Variants in TTC13 observed in about 807,000 individuals in gnomAD.
The protein encoded by TTC13 is tetratricopeptide repeat domain 13.
TTC13 carries 62 observed loss-of-function variants against 120.0 expected under a neutral mutation model. The ratio of observed to expected loss-of-function variants is 0.52; its 90% CI spans 0.42 to 0.64. The LOEUF (loss-of-function observed/expected upper bound fraction) is 0.64, where lower values mean the gene tolerates loss of function less well. TTC13 is among the 30% of genes least tolerant of loss of function. The probability of loss-of-function intolerance (pLI) is 0.00; values close to 1 mark genes in which losing one functional copy is unlikely to be tolerated. For missense variants in TTC13, 824 were observed against 1,050.2 expected (o/e 0.78, Z 2.98); for synonymous variants, 384 against 393.5 (o/e 0.98, Z 0.28).
At chr1:230,947,846 C>CCGCACA (rs1675151075) in intron 4 of TTC13, among the ~76,000 whole-genome samples, 1 of 152,138 alleles carries the variant, frequency 6.6e-6, no homozygotes, top group Non-Finnish European at 1.5e-5. Flanking sequence ...ACTGGCATCC[C>CCGCACA]CGCACACCCG....
At chr1:230,907,614 A>G (rs1303033113) in intron 22 of TTC13, among the ~76,000 whole-genome samples, 1 of 152,260 alleles carries the variant, frequency 6.6e-6, no homozygotes, top group African/African-American at 2.4e-5. Flanking sequence ...AGCCTGAAAC[A>G]ACAATGTACC....
chr1:230,914,649 TCC>T (rs1671844731), intron 18 of TTC13, among the ~76,000 whole-genome samples: 1 of 152,178 alleles, frequency 6.6e-6, no homozygotes, highest in African/African-American at 2.4e-5. Context: ...CGCCTTGGGC[TCC>T]CAAAGTGCTA....
rs905796365 is a variant in TTC13 at position 230,970,053 on chromosome 1, T to C, written c.271+8507A>G. ...ACACATGGGGAAATAAACTCAATGTTAATGAACATGTTTAAGGTCACAAAA... is the reference window on the plus strand; with the variant it reads ...ACACATGGGGAAATAAACTCAATGTCAATGAACATGTTTAAGGTCACAAAA... On this transcript the variant is annotated intron_variant, in intron 1 of 22. Transcript: ENST00000366661. Among the ~76,000 whole-genome samples, 3 of 152,230 alleles carry C rather than the reference T, an allele frequency of 2.0e-5. No individual in the cohort carries two copies. The East Asian group carries it at 5.8e-4, about 29-fold the overall frequency.
chr1:230,965,804 C>T (rs1677070874), intron 1 of TTC13, among the ~76,000 whole-genome samples: 3 of 149,590 alleles, frequency 2.0e-5, no homozygotes, highest in Non-Finnish European at 1.5e-5. Flanking sequence ...CACCACCACA[C>T]CTGGCTAATT....
chr1:230,935,656 G>A (rs1673973261), intron 8 of TTC13, among the ~76,000 whole-genome samples: 1 of 152,100 alleles, frequency 6.6e-6, no homozygotes, highest in African/African-American at 2.4e-5. Context: ...AGGGCCTCCT[G>A]GGCCAAGCAG....
At chr1:230,936,269 C>T (rs1674047121) in intron 8 of TTC13, 1 of 455,942 alleles carries the variant, frequency 2.2e-6, no homozygotes, top group Admixed American at 2.4e-5. Context: ...CTCATTCTGC[C>T]AAAGAGGGGA....
chr1:230,954,059 T>A (rs935248863), intron 4 of TTC13, among the ~76,000 whole-genome samples: 2 of 152,190 alleles, frequency 1.3e-5, no homozygotes, highest in African/African-American at 2.4e-5. Flanking sequence ...TCTCTGCAAT[T>A]TGATGGTCGG....
rs774809656 is a variant in TTC13 at position 230,954,327 on chromosome 1, A to G, written c.513+6T>C. ...TCAAAATTACATAAATAAGAAGAAAATTTACCTGAAGCATTGTTGAAAAAT... is the reference window on the plus strand; with the variant it reads ...TCAAAATTACATAAATAAGAAGAAAGTTTACCTGAAGCATTGTTGAAAAAT... On this transcript the variant is annotated splice_donor_region_variant and intron_variant, in intron 4 of 22. Transcript: ENST00000366661. 6.2e-7 allele frequency: 1 copy of G among 1,609,400 alleles called. No individual in the cohort carries two copies. Among genetic ancestry groups the G allele is most frequent in the Non-Finnish European group, 8.5e-7 (1 of 1,176,960 alleles).
chr1:230,925,795 A>G, intron 12 of TTC13, 148 bp from the exon 13 acceptor site: 1 of 813,872 alleles, frequency 1.2e-6, no homozygotes. Context: ...TTTGCACCCA[A>G]CCATACCTCA....
intron 1 of TTC13, among the ~76,000 whole-genome samples, chr1:230,972,184 G>A (rs1677831853): frequency 6.6e-6 from 1 of 152,234 alleles, no homozygotes; most frequent in South Asian, 2.1e-4. Flanking sequence ...CCACTGCATG[G>A]TGCTGGACTC....
chr1:230,966,379 G>A (rs967105428), intron 1 of TTC13, among the ~76,000 whole-genome samples: 15 of 152,152 alleles, frequency 9.9e-5, no homozygotes, highest in African/African-American at 3.1e-4. Flanking sequence ...CATTAAAATT[G>A]TAGATTAATA....
At chr1:230,969,857 T>C (rs1448112419) in intron 1 of TTC13, among the ~76,000 whole-genome samples, 1 of 152,260 alleles carries the variant, frequency 6.6e-6, no homozygotes, top group Non-Finnish European at 1.5e-5. Context: ...AATGTTAGTA[T>C]AGGCTTATAG....
chr1:230,909,109 A>T, intron 20 of TTC13, 89 bp from the exon 21 acceptor site: 1 of 1,097,702 alleles, frequency 9.1e-7, no homozygotes, highest in Non-Finnish European at 1.3e-6. Context: ...ATCATGAAAG[A>T]TAAAATTTAT....
chr1:230,970,149 C>A (rs1237566643), intron 1 of TTC13, among the ~76,000 whole-genome samples: 7 of 152,230 alleles, frequency 4.6e-5, no homozygotes, highest in Admixed American at 1.3e-4. Context: ...ACTCCTTCTG[C>A]CAATGCTGGG....
At chr1:230,923,725 G>A in intron 15 of TTC13, 116 bp downstream of exon 15, 1 of 792,046 alleles carries the variant, frequency 1.3e-6, no homozygotes, top group Non-Finnish European at 2.1e-6. Context: ...CAATCAGTAT[G>A]TTCCCTGGTC....
At chr1:230,916,401 A>G (rs1404692785) in intron 17 of TTC13, 99 bp from the exon 18 acceptor site, 3 of 907,668 alleles carry the variant, frequency 3.3e-6, no homozygotes, top group Non-Finnish European at 5.4e-6. Flanking sequence ...TGTTTTTAAA[A>G]AGGGCCAAGG....
At chr1:230,967,088 G>A (rs569080612) in intron 1 of TTC13, among the ~76,000 whole-genome samples, 45 of 151,962 alleles carry the variant, frequency 3.0e-4, no homozygotes, top group Non-Finnish European at 4.7e-4. Flanking sequence ...CCCTATTAAT[G>A]TCTCCATTTA....
Position 230,940,585 on chromosome 1 carries a change from G to C in TTC13, c.673-29C>G, listed in dbSNP as rs745818501. 8 of 1,418,010 alleles carry C rather than the reference G, an allele frequency of 5.6e-6. No homozygotes were observed. Among genetic ancestry groups the C allele is most frequent in the Non-Finnish European group, 6.0e-6 (6 of 1,004,820 alleles). 87.8% of individuals were successfully genotyped at this position (1,418,010 alleles called of 1,614,324 possible). On this transcript the variant is annotated intron_variant, in intron 6 of 22. Transcript: ENST00000366661. The surrounding 1 kb of genome is among the most constrained non-coding windows in gnomAD (Gnocchi z 4.1). ...GAAATCCCAAACATGTAATCAGGAA[G>C]AATACCAATGACCAACCCTAAAATC...
At chr1:230,968,801 G>A (rs904822069) in intron 1 of TTC13, among the ~76,000 whole-genome samples, 1 of 152,156 alleles carries the variant, frequency 6.6e-6, no homozygotes, top group Non-Finnish European at 1.5e-5. Context: ...GAGGAAGAGA[G>A]GTTTTAGAGG....
Sources: gnomAD v4.1 joint callset for allele counts (sites outside exome capture counted in the v4.1 genomes callset) on GRCh38, gnomAD v4.1.1 for gene constraint, Gnocchi (gnomAD v3.1) non-coding constraint, MANE v1.5 for transcripts, NCBI Gene and HGNC (gene_info 2026-07-23, HGNC 2026-07-21) for gene names.